The following GALNT13 variants were observed in gnomAD, a reference collection of about 807,000 sequenced individuals.
GALNT13 encodes UDP-GalNAc:polypeptide N-acetylgalactosaminyltransferase 13.
Under a neutral mutation model 64.2 loss-of-function variants are expected in GALNT13, and 28 were observed. That is an observed-to-expected ratio of 0.44 (90% CI 0.32 to 0.60). The LOEUF is 0.60. Among genes scored for constraint, GALNT13 ranks in the 20% least tolerant of loss-of-function variants. The pLI is 0.05. For synonymous variants in GALNT13, 214 were observed against 224.6 expected (o/e 0.95, Z 0.42); for missense variants, 577 against 669.8 (o/e 0.86, Z 1.53).
the GALNT13 span, among the ~76,000 whole-genome samples, chr2:153,658,895 G>C: frequency 6.6e-6 from 1 of 151,628 alleles, no homozygotes; most frequent in Non-Finnish European, 1.5e-5. Context: ...AAACACATCT[G>C]TTGACCCATT....
At position 153,990,833 on chromosome 2, in the gene GALNT13, G is replaced by A. The variant is rs561842714; in HGVS notation, c.142+46194G>A. 1.9e-4 allele frequency among the ~76,000 whole-genome samples: 29 copies of A among 152,292 alleles called. No individual in the cohort carries two copies. The South Asian group carries it at 5.2e-3, about 27-fold the overall frequency. On this transcript the variant is annotated intron_variant, in intron 3 of 12. Coordinates refer to ENST00000392825, the MANE Select transcript of GALNT13 (RefSeq NM_052917.4). ...TTCAGATGAATATTTTAGAAAATTGGTGTACAAATGGTGATAGCTGTTGTT... is the reference window on the plus strand; with the variant it reads ...TTCAGATGAATATTTTAGAAAATTGATGTACAAATGGTGATAGCTGTTGTT...
chr2:153,718,945 A>G, the GALNT13 span, among the ~76,000 whole-genome samples: 3 of 152,142 alleles, frequency 2.0e-5, no homozygotes, highest in Non-Finnish European at 4.4e-5. Context: ...CTGTTTATAT[A>G]AGAAGAAATG....
intron 9 of GALNT13, among the ~76,000 whole-genome samples, chr2:154,367,702 C>A (rs916386136): frequency 1.3e-5 from 2 of 152,096 alleles, no homozygotes; most frequent in Non-Finnish European, 2.9e-5. Flanking sequence ...GATCTAGAAG[C>A]TATTCTTATA....
At chr2:154,232,043 CAA>C (rs1422352240) in intron 4 of GALNT13, among the ~76,000 whole-genome samples, 3 of 151,140 alleles carry the variant, frequency 2.0e-5, no homozygotes, top group Non-Finnish European at 4.4e-5. Context: ...AGAGTTAAAA[CAA>C]AAGAGAGAGA....
intron 9 of GALNT13, among the ~76,000 whole-genome samples, chr2:154,321,749 G>T (rs771524896): frequency 2.6e-5 from 4 of 152,064 alleles, no homozygotes; most frequent in African/African-American, 4.8e-5. Flanking sequence ...AAATAAGGAA[G>T]CACTGGCTAA....
At chr2:153,681,003 T>C in the GALNT13 span, among the ~76,000 whole-genome samples, 1 of 152,016 alleles carries the variant, frequency 6.6e-6, no homozygotes, top group African/African-American at 2.4e-5. Context: ...AGACCCTACC[T>C]CTGGGTCTGA....
chr2:153,204,341 G>T, the GALNT13 span, among the ~76,000 whole-genome samples: 2 of 152,170 alleles, frequency 1.3e-5, no homozygotes, highest in Admixed American at 6.5e-5. Flanking sequence ...TAGGAAATTG[G>T]TCCTTTATTT....
the GALNT13 span, among the ~76,000 whole-genome samples, chr2:153,780,552 A>G: frequency 6.6e-6 from 1 of 152,006 alleles, no homozygotes; most frequent in East Asian, 1.9e-4. Context: ...GCACACTCAT[A>G]TGAAAGAAAC....
the GALNT13 span, among the ~76,000 whole-genome samples, chr2:153,355,737 T>C: frequency 3.3e-5 from 5 of 152,308 alleles, no homozygotes; most frequent in Admixed American, 6.5e-5. Flanking sequence ...TTTCTTGATA[T>C]GCAGTGTGAG....
chr2:153,423,099 T>C, the GALNT13 span, among the ~76,000 whole-genome samples: 1 of 151,904 alleles, frequency 6.6e-6, no homozygotes, highest in Non-Finnish European at 1.5e-5. Flanking sequence ...TAAAAATTGA[T>C]ATAAAAATAA....
chr2:154,231,918 A>G, intron 4 of GALNT13, among the ~76,000 whole-genome samples: 1 of 151,854 alleles, frequency 6.6e-6, no homozygotes, highest in East Asian at 1.9e-4. Flanking sequence ...ATTTACATAT[A>G]TGTTATACTA....
chr2:153,980,939 A>G (rs1694419746), intron 3 of GALNT13, among the ~76,000 whole-genome samples: 1 of 152,158 alleles, frequency 6.6e-6, no homozygotes, highest in African/African-American at 2.4e-5. Context: ...TTTTCAACTA[A>G]AGGAGCTTTA....
the GALNT13 span, among the ~76,000 whole-genome samples, chr2:153,692,729 C>A: frequency 6.6e-6 from 1 of 152,164 alleles, no homozygotes; most frequent in Admixed American, 6.5e-5. Flanking sequence ...TAGTACACAG[C>A]AACCTTGATC....
intron 9 of GALNT13, among the ~76,000 whole-genome samples, chr2:154,395,367 T>C (rs1250628623): frequency 6.6e-6 from 1 of 152,182 alleles, no homozygotes; most frequent in East Asian, 1.9e-4. Flanking sequence ...TCATTTTTCA[T>C]ATATACATGT....
intron 4 of GALNT13, among the ~76,000 whole-genome samples, chr2:154,180,948 C>G (rs149601605): frequency 6.6e-6 from 1 of 152,276 alleles, no homozygotes; most frequent in Non-Finnish European, 1.5e-5. Flanking sequence ...TAAAAACCAT[C>G]AACCCTTACC....
chr2:153,941,028 C>T (rs892321821), intron 2 of GALNT13, among the ~76,000 whole-genome samples: 3 of 152,098 alleles, frequency 2.0e-5, no homozygotes, highest in Admixed American at 2.0e-4. Flanking sequence ...AAACCCTAAA[C>T]TTTATCTAGA....
the GALNT13 span, among the ~76,000 whole-genome samples, chr2:153,732,117 G>T: frequency 1.1e-4 from 17 of 151,886 alleles, no homozygotes; most frequent in Non-Finnish European, 2.1e-4. Context: ...CATTCAGAAA[G>T]ATTTTCTGGA....
rs191616185 is a variant in GALNT13 at position 154,143,584 on chromosome 2, C to T, written c.311+3079C>T. Among the ~76,000 whole-genome samples, 627 of 150,790 alleles carry T rather than the reference C, an allele frequency of 4.2e-3. 2 individuals carry two copies. Among genetic ancestry groups the T allele is most frequent in the African/African-American group, 0.015 (599 of 41,106 alleles). On this transcript the variant is annotated intron_variant, in intron 4 of 12. Coordinates refer to ENST00000392825, the MANE Select transcript of GALNT13 (RefSeq NM_052917.4). ...TTCTTTTAAGAATCTCTGCCAGGCA[C>T]GGTGGCTCACACCTGTAATCCCAGC...
intron 3 of GALNT13, among the ~76,000 whole-genome samples, chr2:153,952,319 G>A (rs893246135): frequency 6.6e-6 from 1 of 152,152 alleles, no homozygotes; most frequent in Non-Finnish European, 1.5e-5. Context: ...TCTCAGGCAA[G>A]TAGATTAATC....
Sources: allele counts gnomAD v4.1 joint callset (sites outside exome capture counted in the v4.1 genomes callset), GRCh38; gene constraint gnomAD v4.1.1; transcripts MANE v1.5; gene names NCBI Gene and HGNC (gene_info 2026-07-23, HGNC 2026-07-21).